Variants in P3H1 observed in about 807,000 individuals in gnomAD.
The protein encoded by P3H1 is growth suppressor 1.
P3H1 carries 69 observed loss-of-function variants against 84.0 expected under a neutral mutation model. That is an observed-to-expected ratio of 0.82 (90% CI 0.68 to 1.00). The LOEUF is 1.00. P3H1 is among the 50% of genes least tolerant of loss of function. The pLI is 0.00. For synonymous variants in P3H1, 366 were observed against 388.8 expected (o/e 0.94, Z 0.69); for missense variants, 878 against 962.8 (o/e 0.91, Z 1.17).
In P3H1 at chr1:42,752,260, A is replaced by G. The variant is rs755876066; in HGVS notation, c.1569+14T>C. The G allele has an allele frequency of 1.9e-6, 3 of 1,597,072 alleles. No homozygotes were observed. The South Asian group carries it at 3.3e-5, about 18-fold the overall frequency. On this transcript the variant is annotated intron_variant, in intron 10 of 14. Coordinates refer to ENST00000296388, the MANE Select transcript of P3H1 (RefSeq NM_022356.4). ...CCTTTCTCCACACTCTAGAATGCCC[A>G]GTGTTGATCTTACCTTGAGGGCTTT...
chr1:42,756,271 T>G (rs1033744166), intron 5 of P3H1: 8 of 155,220 alleles, frequency 5.2e-5, no homozygotes, highest in African/African-American at 1.9e-4. Flanking sequence ...CTAAAGCCCA[T>G]GTGCTTTCTG....
In P3H1 at chr1:42,766,833, C is replaced by A. The variant is rs55716016; in HGVS notation, c.139G>T (p.Ala47Ser). ...LLFAEGTAAY[A>S]RGDWPGVVLS... ...ACCACCCCGGGCCAGTCCCCGCGCGCGTAGGCTGCGGTCCCCTCGGCGAAG... is the reference window on the plus strand; with the variant it reads ...ACCACCCCGGGCCAGTCCCCGCGCGAGTAGGCTGCGGTCCCCTCGGCGAAG... The change falls in exon 1 of 15, where the codon GCG (alanine) becomes TCG (serine). Residue 47 changes from alanine (A) to serine (S), a missense_variant. Coordinates refer to ENST00000296388, the MANE Select transcript of P3H1 (RefSeq NM_022356.4). 52,438 of 1,604,686 alleles carry A rather than the reference C, an allele frequency of 0.033. 1,076 individuals are homozygous for A. The highest frequency in any genetic ancestry group is 0.079 in the African/African-American group (5,942 of 75,034).
intron 1 of P3H1, among the ~76,000 whole-genome samples, chr1:42,763,634 C>T (rs1652835255): frequency 8.0e-6 from 1 of 124,530 alleles, no homozygotes; most frequent in Admixed American, 9.2e-5. Context: ...ATCACAGCAC[C>T]ATACTCCAGC....
In P3H1 at chr1:42,754,543, A is replaced by AG. The variant is rs1652280776; in HGVS notation, c.1345+325dup. On this transcript the variant is annotated intron_variant, in intron 8 of 14. Coordinates refer to ENST00000296388, the MANE Select transcript of P3H1 (RefSeq NM_022356.4). The surrounding 1 kb of genome is among the most constrained non-coding windows in gnomAD (Gnocchi z 4.0). ...ATTTCTTTCTTTTTTTTTAAAGATGAGGTCTTGCTATATTGCCCAGGCTGG... is the reference window on the plus strand; with the variant it reads ...ATTTCTTTCTTTTTTTTTAAAGATGAGGGTCTTGCTATATTGCCCAGGCTGG... Among the ~76,000 whole-genome samples the AG allele has an allele frequency of 6.6e-6, 1 of 151,902 alleles. No individual in the cohort carries two copies. The highest frequency in any genetic ancestry group is 1.5e-5 in the Non-Finnish European group (1 of 67,978).
chr1:42,747,918 T>C lies in P3H1; in HGVS notation c.1839-120A>G, dbSNP rs1651821827. ...TGGCTTTGTGTGGGAGGGAAACCTT[T>C]AAGAACCTATACTGATGCCGTACAA... On this transcript the variant is annotated intron_variant, in intron 12 of 14. Coordinates refer to ENST00000296388, the MANE Select transcript of P3H1 (RefSeq NM_022356.4). 5 of 944,518 alleles carry C rather than the reference T, an allele frequency of 5.3e-6. No homozygotes were observed. The East Asian group carries it at 1.2e-4, about 23-fold the overall frequency. 58.5% of individuals were successfully genotyped at this position (944,518 alleles called of 1,614,324 possible).
chr1:42,760,315 G>GT, intron 2 of P3H1: 1 of 152,050 alleles, frequency 6.6e-6, no homozygotes, highest in South Asian at 2.1e-4. Context: ...AGGGCTAACA[G>GT]TTTTCAAATA....
chr1:42,747,760 T>C lies in P3H1; in HGVS notation c.1877A>G (p.Asn626Ser), dbSNP rs1003908246. The change falls in exon 13 of 15, where the codon AAC (asparagine) becomes AGC (serine). Residue 626 changes from asparagine (N) to serine (S), a missense_variant. Transcript: ENST00000296388. ...GGCATCCAGTTCAGTGAAATAAAAG[T>C]TTCCGCCATCGAAGTCCCCATTTAG... The part of the protein sequence containing the change: ...LYLNGDFDGG[N>S]FYFTELDAKT... 1 of 1,613,998 alleles carries C rather than the reference T, an allele frequency of 6.2e-7. No homozygotes were observed. The highest frequency in any genetic ancestry group is 8.5e-7 in the Non-Finnish European group (1 of 1,180,022).
rs773921230 is a variant in P3H1, at chr1:42,747,224, C to T, written c.2055+48G>A. ...AGGCAAACCAAGGGCGCTCTGGGAA[C>T]GGGTCACCACAGCACCAGCTGCTCT... On this transcript the variant is annotated intron_variant, in intron 14 of 14. Transcript: ENST00000296388. 3.0e-5 allele frequency: 49 copies of T among 1,614,038 alleles called. No individual in the cohort carries two copies. The highest frequency in any genetic ancestry group is 4.0e-5 in the Non-Finnish European group (47 of 1,180,046).
chr1:42,749,437 C>T (rs1651911276), intron 11 of P3H1, among the ~76,000 whole-genome samples: 1 of 152,204 alleles, frequency 6.6e-6, no homozygotes, highest in Admixed American at 6.5e-5. Flanking sequence ...CCTTCTTGGA[C>T]ATGCAAAAGG....
chr1:42,747,879 C>T (rs1164689786), intron 12 of P3H1, 81 bp from the exon 13 acceptor site: 2 of 1,346,586 alleles, frequency 1.5e-6, no homozygotes, highest in Non-Finnish European at 2.1e-6. Context: ...TGCTCTCAAC[C>T]AGCAGCAGGA....
chr1:42,759,020 C>T (rs1306399975), intron 3 of P3H1, 37 bp from the exon 4 acceptor site: 3 of 1,613,340 alleles, frequency 1.9e-6, no homozygotes, highest in Non-Finnish European at 2.5e-6. Flanking sequence ...ACTATGAGGT[C>T]ACTCTTTAGA....
intron 12 of P3H1, 129 bp downstream of exon 12, chr1:42,748,071 G>A (rs1387427148): frequency 1.2e-5 from 9 of 736,248 alleles, no homozygotes; most frequent in Non-Finnish European, 1.9e-5. Flanking sequence ...GGGGATAAAG[G>A]ATTGGACTCT....
In P3H1 at chr1:42,766,950, G is replaced by T; in HGVS notation, c.22C>A (p.Leu8Met). MAVRALK[L>M]LTTLLAVVAA... ...ACGACAGCCAGCAGTGTGGTCAGCA[G>T]CTTCAACGCGCGTACCGCCATCGCT... The change falls in exon 1 of 15, where the codon CTG becomes ATG. Residue 8 changes from leucine (L) to methionine (M), a missense_variant. Transcript: ENST00000296388. 1 of 1,609,000 alleles carries T rather than the reference G, an allele frequency of 6.2e-7. No homozygotes were observed.
chr1:42,747,753 A>G lies in P3H1; in HGVS notation c.1884T>C (p.Tyr628=). The G allele has an allele frequency of 6.2e-7, 1 of 1,614,170 alleles. No homozygotes were observed. Among genetic ancestry groups the G allele is most frequent in the South Asian group, 1.1e-5 (1 of 91,082 alleles). The stretch of plus-strand genomic sequence containing the variant: ...CGGTCTTGGCATCCAGTTCAGTGAA[A>G]TAAAAGTTTCCGCCATCGAAGTCCC... ...LNGDFDGGNF[Y]FTELDAKTVT... is the part of the protein sequence containing the mutation. The change falls in exon 13 of 15, where the codon TAT becomes TAC. Residue 628 remains tyrosine (Y), a synonymous_variant. Transcript: ENST00000296388.
chr1:42,755,884 C>T (rs908752991), intron 5 of P3H1, among the ~76,000 whole-genome samples: 18 of 152,172 alleles, frequency 1.2e-4, no homozygotes, highest in East Asian at 3.9e-4. Context: ...AAAAGCCCTG[C>T]TCCTCCCCCA....
intron 5 of P3H1, 77 bp from the exon 6 acceptor site, chr1:42,755,714 C>T: frequency 9.3e-7 from 1 of 1,070,588 alleles, no homozygotes; most frequent in East Asian, 2.4e-5. Flanking sequence ...CTCCCTGGCA[C>T]CCCACACTGA....
intron 10 of P3H1, among the ~76,000 whole-genome samples, chr1:42,750,944 T>A (rs1415320438): frequency 8.3e-6 from 1 of 120,900 alleles, no homozygotes; most frequent in African/African-American, 3.2e-5. Flanking sequence ...GGGAGGGTGG[T>A]GGGGGGGTCA....
Position 42,752,540 on chromosome 1 carries a change from G to A in P3H1, c.1470C>T (p.Thr490=). The A allele has an allele frequency of 6.2e-7, 1 of 1,614,072 alleles. No individual in the cohort carries two copies. ...GCAGTCACTGGGCTTCCCTTACATT[G>A]GTCAGTCTCTGCAGCTCCTGACACT... The part of the protein sequence containing the change: ...DHECQELQRL[T]NVAATSGDGY... Residue 490 remains threonine (T), a synonymous_variant, in exon 9 of 15, where the codon ACC becomes ACT. Coordinates refer to ENST00000296388, the MANE Select transcript of P3H1 (RefSeq NM_022356.4).
chr1:42,747,810 A>G lies in P3H1; in HGVS notation c.1839-12T>C. 1 of 1,613,682 alleles carries G rather than the reference A, an allele frequency of 6.2e-7. No homozygotes were observed. Among genetic ancestry groups the G allele is most frequent in the Non-Finnish European group, 8.5e-7 (1 of 1,179,580 alleles). ...GGTAAAGGATGGCGCTGGGAAAGGC[A>G]GAGACATCTCATCATGGCCCTTCCC... On this transcript the variant is annotated splice_polypyrimidine_tract_variant and intron_variant, in intron 12 of 14. Transcript: ENST00000296388.
Sources: gnomAD v4.1 joint callset for allele counts (sites outside exome capture counted in the v4.1 genomes callset) on GRCh38, gnomAD v4.1.1 for gene constraint, Gnocchi (gnomAD v3.1) non-coding constraint, MANE v1.5 for transcripts, NCBI Gene and HGNC (gene_info 2026-07-23, HGNC 2026-07-21) for gene names.